ATP4B: variants seen among roughly 807,000 people sequenced by gnomAD.
ATP4B encodes ATPase H+/K+ transporting subunit beta.
ATP4B carries 27 observed loss-of-function variants against 35.3 expected under a neutral mutation model. That is an observed-to-expected ratio of 0.76 (90% confidence interval 0.56 to 1.05). The LOEUF (loss-of-function observed/expected upper bound fraction) is 1.05. Among genes scored for constraint, ATP4B ranks in the 50% least tolerant of loss-of-function variants. The pLI is 0.00. For missense variants in ATP4B, 375 were observed against 384.8 expected (o/e 0.97, Z 0.21); for synonymous variants, 162 against 156.0 (o/e 1.04, Z -0.29).
chr13:113,651,727 T>C lies in ATP4B; in HGVS notation c.556A>G (p.Ile186Val). 6.2e-7 allele frequency: 1 copy of C among 1,613,688 alleles called. No individual in the cohort carries two copies. Among genetic ancestry groups the C allele is most frequent in the African/African-American group, 1.3e-5 (1 of 75,032 alleles). The change falls in exon 5 of 7, where the codon ATC (isoleucine) becomes GTC (valine). Residue 186 changes from isoleucine to valine, a missense_variant and splice_region_variant. Physicochemically the swap from Ile to Val is conservative, Grantham distance 29 (BLOSUM62 3). Transcript: ENST00000335288. Reference sequence around the variant, plus strand: ...CCGTTGCTGGGGAGGAACTTGACGATCTAGAAGGGAAAAGCTTGAGCGTGG... The same window carrying C: ...CCGTTGCTGGGGAGGAACTTGACGACCTAGAAGGGAAAAGCTTGAGCGTGG... Reference protein sequence around the residue: ...KPCFIIKMNRIVKFLPSNGSA... With the variant: ...KPCFIIKMNRVVKFLPSNGSA...
intron 1 of ATP4B, among the ~76,000 whole-genome samples, chr13:113,655,550 A>G (rs2090115309): frequency 6.6e-6 from 1 of 152,192 alleles, no homozygotes; most frequent in Non-Finnish European, 1.5e-5. Flanking sequence ...CTTCCCCTGC[A>G]GCGTCAGAAC....
rs760188624 is a variant in ATP4B at position 113,653,039 on chromosome 13, T to C, written c.389A>G (p.Asn130Ser). 1.9e-6 allele frequency: 3 copies of C among 1,613,232 alleles called. No homozygotes were observed. Among genetic ancestry groups the C allele is most frequent in the South Asian group, 1.1e-5 (1 of 91,078 alleles). Reference protein sequence around the residue: ...YSPAAQEDSINCTSEQYFFQE... With the variant: ...YSPAAQEDSISCTSEQYFFQE... ...GAAGAAGTACTGCTCGGAGGTGCAG[T>C]TGATGCTGTCCTCCTGGGCTGCTGG... Residue 130 changes from asparagine to serine, a missense_variant, in exon 4 of 7, where the codon AAC (asparagine) becomes AGC (serine). Transcript: ENST00000335288.
chr13:113,651,777 T>G (rs774460903), intron 4 of ATP4B, 50 bp from the exon 5 acceptor site: 1 of 1,598,592 alleles, frequency 6.3e-7, no homozygotes, highest in Admixed American at 1.7e-5. Context: ...CACCGCCATG[T>G]GAGGTGCACG....
At position 113,656,648 on chromosome 13, in the gene ATP4B, G is replaced by A. The variant is rs149709958; in HGVS notation, c.112+1385C>T. Among the ~76,000 whole-genome samples the A allele has an allele frequency of 1.6e-4, 24 of 152,292 alleles. No homozygotes were observed. The East Asian group carries it at 1.7e-3, about 11-fold the overall frequency. ...CTCTGCCTCTCCTGCACCTGCACCC[G>A]TCCCCCAATTAGTAAGAATAACGTG... On this transcript the variant is annotated intron_variant, in intron 1 of 6. Coordinates refer to ENST00000335288, the MANE Select transcript of ATP4B (RefSeq NM_000705.4).
At chr13:113,655,309 T>G (rs1208692725) in intron 1 of ATP4B, among the ~76,000 whole-genome samples, 1 of 151,964 alleles carries the variant, frequency 6.6e-6, no homozygotes, top group Non-Finnish European at 1.5e-5. Context: ...GGAGTTATGG[T>G]TCCCCCATCA....
At position 113,650,308 on chromosome 13, in the gene ATP4B, T is replaced by G; in HGVS notation, c.714+98A>C. ...AGGACCGGCTAAGTCACACCTTTGT[T>G]TCATTTTTCTACATGAAGGGGCTTA... On this transcript the variant is annotated intron_variant, in intron 6 of 6. Coordinates refer to ENST00000335288, the MANE Select transcript of ATP4B (RefSeq NM_000705.4). The surrounding 1 kb of genome is among the most constrained non-coding windows in gnomAD (Gnocchi z 5.0). 8.3e-7 allele frequency: 1 copy of G among 1,210,856 alleles called. No homozygotes were observed. Among genetic ancestry groups the G allele is most frequent in the Admixed American group, 1.9e-5 (1 of 52,132 alleles). 75.0% of individuals were successfully genotyped at this position (1,210,856 alleles called of 1,614,324 possible).
chr13:113,651,265 T>C lies in ATP4B; in HGVS notation c.612+406A>G, dbSNP rs189752012. On this transcript the variant is annotated intron_variant, in intron 5 of 6. Coordinates refer to ENST00000335288, the MANE Select transcript of ATP4B (RefSeq NM_000705.4). ...AAAACAACCTGGAATTAGCCTGAGA[T>C]CGATGCCAACTCTTAGCAGTCTGTA... is the stretch of plus-strand genomic sequence containing the variant. Among the ~76,000 whole-genome samples, 55 of 152,350 alleles carry C rather than the reference T, an allele frequency of 3.6e-4. No homozygotes were observed. In the East Asian group the frequency reaches 4.4e-3, roughly 12 times the overall value.
In ATP4B at chr13:113,652,962, C is replaced by G. The variant is rs760098654; in HGVS notation, c.466G>C (p.Ala156Pro). The change falls in exon 4 of 7, where the codon GCA (alanine) becomes CCA (proline). Residue 156 changes from alanine to proline, a missense_variant. Ala to Pro is a conservative substitution (Grantham distance 27, BLOSUM62 -1). Coordinates refer to ENST00000335288, the MANE Select transcript of ATP4B (RefSeq NM_000705.4). ...CCTGAGCAGTTCTGCAGCATATCTG[C>G]CGTGAACTTGCAGGAGAACTTGGTG... ...NHTKFSCKFT[A>P]DMLQNCSGLA... 1 of 1,614,212 alleles carries G rather than the reference C, an allele frequency of 6.2e-7. No homozygotes were observed. The highest frequency in any genetic ancestry group is 1.1e-5 in the South Asian group (1 of 91,082).
chr13:113,649,322 G>A lies in ATP4B; in HGVS notation c.*52C>T. The A allele has an allele frequency of 1.9e-6, 3 of 1,547,182 alleles. No homozygotes were observed. Among genetic ancestry groups the A allele is most frequent in the South Asian group, 2.4e-5 (2 of 83,464 alleles). On this transcript the variant is annotated 3_prime_UTR_variant, in exon 7 of 7. Coordinates refer to ENST00000335288, the MANE Select transcript of ATP4B (RefSeq NM_000705.4). This position sits in a 1 kb window ranked among gnomAD's most constrained non-coding sequence, Gnocchi z 4.7. ...CGGGCAAGGTAAGCCCAACCAGGAG[G>A]GTGTCCTTGAGCGACCCCGCAGGCG...
In ATP4B at chr13:113,649,077, C is replaced by A; in HGVS notation, c.*297G>T. ...AGTGATGTCTACATAGAAGACGAAT[C>A]GTTTTTATGACCTGGTTAATTAGAG... On this transcript the variant is annotated 3_prime_UTR_variant, in exon 7 of 7. Coordinates refer to ENST00000335288, the MANE Select transcript of ATP4B (RefSeq NM_000705.4). This position sits in a 1 kb window ranked among gnomAD's most constrained non-coding sequence, Gnocchi z 4.7. The A allele has an allele frequency of 4.0e-6, 1 of 250,976 alleles. No individual in the cohort carries two copies. The highest frequency in any genetic ancestry group is 9.9e-5 in the East Asian group (1 of 10,058). 15.5% of individuals were successfully genotyped at this position (250,976 alleles called of 1,614,324 possible).
At chr13:113,655,369 A>C (rs999814631) in intron 1 of ATP4B, among the ~76,000 whole-genome samples, 1 of 152,206 alleles carries the variant, frequency 6.6e-6, no homozygotes, top group African/African-American at 2.4e-5. Context: ...ATGGTGACCC[A>C]TAGTGCAGCC....
At position 113,653,001 on chromosome 13, in the gene ATP4B, G is replaced by A. The variant is rs781037227; in HGVS notation, c.427C>T (p.Arg143Cys). 3.0e-5 allele frequency: 48 copies of A among 1,614,028 alleles called. No individual in the cohort carries two copies. In the Admixed American group the frequency reaches 3.2e-4, roughly 11 times the overall value. The change falls in exon 4 of 7, where the codon CGC becomes TGC. Residue 143 changes from arginine (R) to cysteine (C), a missense_variant. By Grantham distance (180) the Arg-to-Cys change is radical (BLOSUM62 -3). Transcript: ENST00000335288. ...SEQYFFQESF[R>C]APNHTKFSCK... is the part of the protein sequence containing the mutation. ...GAGAACTTGGTGTGGTTGGGAGCGCGGAAACTCTCCTGGAAGAAGTACTGC... is the reference window on the plus strand; with the variant it reads ...GAGAACTTGGTGTGGTTGGGAGCGCAGAAACTCTCCTGGAAGAAGTACTGC...
chr13:113,652,663 G>A, intron 4 of ATP4B: 2 of 676,278 alleles, frequency 3.0e-6, no homozygotes, highest in South Asian at 1.6e-5. Flanking sequence ...CCGGCTATGT[G>A]CTGGTGTCTG....
In ATP4B at chr13:113,649,506, C is replaced by G; in HGVS notation, c.744G>C (p.Ala248=). ...CGTTCCTGGGGATGTTGAGGAGCTT[C>G]GCTGCCACCAGGGGGTTGCTGTAGT... ...QPHYSNPLVA[A]KLLNIPRNAE... Residue 248 remains alanine, a synonymous_variant, in exon 7 of 7, where the codon GCG becomes GCC. Coordinates refer to ENST00000335288, the MANE Select transcript of ATP4B (RefSeq NM_000705.4). This position sits in a 1 kb window ranked among gnomAD's most constrained non-coding sequence, Gnocchi z 4.7. 1 of 1,543,400 alleles carries G rather than the reference C, an allele frequency of 6.5e-7. No homozygotes were observed. The highest frequency in any genetic ancestry group is 8.8e-7 in the Non-Finnish European group (1 of 1,140,344).
intron 1 of ATP4B, among the ~76,000 whole-genome samples, chr13:113,656,951 GC>G (rs2049759657): frequency 6.6e-6 from 1 of 152,150 alleles, no homozygotes; most frequent in Non-Finnish European, 1.5e-5. Flanking sequence ...GCCCCGCCTG[GC>G]CCAGGAGGCC....
chr13:113,654,435 G>A (rs111233006), intron 2 of ATP4B, among the ~76,000 whole-genome samples: 15 of 152,322 alleles, frequency 9.8e-5, no homozygotes, highest in Admixed American at 2.6e-4. Context: ...TTTCCTGTGC[G>A]TCCTTGCAGA....
In ATP4B at chr13:113,649,296, A is replaced by G; in HGVS notation, c.*78T>C. The G allele has an allele frequency of 6.7e-7, 1 of 1,493,946 alleles. No individual in the cohort carries two copies. Among genetic ancestry groups the G allele is most frequent in the Admixed American group, 2.1e-5 (1 of 46,898 alleles). 92.5% of individuals were successfully genotyped at this position (1,493,946 alleles called of 1,614,324 possible). ...TTGGGGATGATTTGGCAGGGAACTGACGGGCAAGGTAAGCCCAACCAGGAG... is the reference window on the plus strand; with the variant it reads ...TTGGGGATGATTTGGCAGGGAACTGGCGGGCAAGGTAAGCCCAACCAGGAG... On this transcript the variant is annotated 3_prime_UTR_variant, in exon 7 of 7. Coordinates refer to ENST00000335288, the MANE Select transcript of ATP4B (RefSeq NM_000705.4). The surrounding 1 kb of genome is among the most constrained non-coding windows in gnomAD (Gnocchi z 4.7).
intron 1 of ATP4B, among the ~76,000 whole-genome samples, 197 bp from the exon 2 acceptor site, chr13:113,655,139 G>A (rs972118155): frequency 7.9e-5 from 12 of 152,260 alleles, no homozygotes; most frequent in African/African-American, 2.9e-4. Flanking sequence ...CACCGGCCAC[G>A]TTCTGCCTCT....
chr13:113,654,688 G>T, intron 2 of ATP4B, 126 bp downstream of exon 2: 1 of 1,420,952 alleles, frequency 7.0e-7, no homozygotes, highest in Non-Finnish European at 9.4e-7. Flanking sequence ...TCACCCTGGG[G>T]CTGCCGGGCT....
Sources: gnomAD v4.1 joint callset for allele counts (sites outside exome capture counted in the v4.1 genomes callset) on GRCh38, gnomAD v4.1.1 for gene constraint, Gnocchi (gnomAD v3.1) non-coding constraint, MANE v1.5 for transcripts, NCBI Gene and HGNC (gene_info 2026-07-23, HGNC 2026-07-21) for gene names.